The following DEUP1 variants were observed in gnomAD, a reference collection of about 807,000 sequenced individuals.
DEUP1 encodes the protein deuterosome assembly protein 1.
A neutral mutation model predicts 87.4 loss-of-function variants in DEUP1; 82 were observed. The observed-to-expected ratio is 0.94, with a 90% confidence interval of 0.78 to 1.13. The LOEUF (loss-of-function observed/expected upper bound fraction) is 1.13. DEUP1 is among the 50% of genes most tolerant of loss of function. DEUP1 has a pLI of 0.00. For missense variants in DEUP1, 663 were observed against 681.5 expected, an observed-to-expected ratio of 0.97 and a Z score of 0.30; for synonymous variants, 214 against 222.7, an observed-to-expected ratio of 0.96 and a Z score of 0.35.
intron 12 of DEUP1, chr11:93,411,186 C>T (rs1231557467): frequency 2.0e-5 from 3 of 152,118 alleles, no homozygotes; most frequent in Non-Finnish European, 2.9e-5. Flanking sequence ...TTTTCCCTCA[C>T]AACACAGCTC....
intron 12 of DEUP1, among the ~76,000 whole-genome samples, chr11:93,412,215 A>G (rs1416254077): frequency 6.6e-6 from 1 of 152,208 alleles, no homozygotes; most frequent in East Asian, 1.9e-4. Flanking sequence ...GTGTTGACTC[A>G]AGTCTCAAGT....
chr11:93,414,516 T>TAATA lies in DEUP1; in HGVS notation c.1524-469_1524-466dup, dbSNP rs370654550. On this transcript the variant is annotated intron_variant, in intron 12 of 13. Transcript: ENST00000298050. ...AGCAAGGCTCTGTCTCAAAATAAATTAATAAATAAATAAATAAAATAAAAG... is the reference window on the plus strand; with the variant it reads ...AGCAAGGCTCTGTCTCAAAATAAATTAATAAATAAATAAATAAATAAAATAAAAG... Among the ~76,000 whole-genome samples, 955 of 151,740 alleles carry TAATA rather than the reference T, an allele frequency of 6.3e-3. 7 individuals carry two copies. Among genetic ancestry groups the TAATA allele is most frequent in the African/African-American group, 0.022 (921 of 41,390 alleles).
In DEUP1 at chr11:93,361,968, G is replaced by A. The variant is rs117684986; in HGVS notation, c.298-2192G>A. ...GTGCCAAGATAATTCAATAAAGAAA[G>A]ATTAGTCTCTTCTACAAATGGTGCA... On this transcript the variant is annotated intron_variant, in intron 4 of 13. Transcript: ENST00000298050. 4.9e-3 allele frequency among the ~76,000 whole-genome samples: 749 copies of A among 152,088 alleles called. 3 individuals are homozygous for A. The highest frequency in any genetic ancestry group is 8.1e-3 in the Non-Finnish European group (548 of 67,874).
chr11:93,336,252 G>A (rs1943758797), intron 2 of DEUP1, among the ~76,000 whole-genome samples: 1 of 152,140 alleles, frequency 6.6e-6, no homozygotes, highest in African/African-American at 2.4e-5. Context: ...GAGAGAGAGA[G>A]AAGGGGGGAG....
chr11:93,403,159 T>A (rs1947174615), intron 11 of DEUP1, among the ~76,000 whole-genome samples: 1 of 151,956 alleles, frequency 6.6e-6, no homozygotes, highest in African/African-American at 2.4e-5. Flanking sequence ...GAATTTAAAA[T>A]CTGTGTGTAT....
intron 13 of DEUP1, among the ~76,000 whole-genome samples, chr11:93,431,167 A>G (rs1037619255): frequency 6.6e-6 from 1 of 152,050 alleles, no homozygotes; most frequent in African/African-American, 2.4e-5. Context: ...AAAGAAAAGC[A>G]GGTAATGTGA....
intron 9 of DEUP1, among the ~76,000 whole-genome samples, chr11:93,393,317 AT>A (rs147291187): frequency 1.3e-5 from 2 of 150,116 alleles, no homozygotes; most frequent in Non-Finnish European, 3.0e-5. Flanking sequence ...ATGCCTTTTT[AT>A]TTTTTTTATT....
intron 7 of DEUP1, among the ~76,000 whole-genome samples, chr11:93,375,232 A>C (rs2134284900): frequency 6.6e-6 from 1 of 152,220 alleles, no homozygotes; most frequent in South Asian, 2.1e-4. Flanking sequence ...TCATGTCATC[A>C]GTCAACAGAG....
intron 8 of DEUP1, among the ~76,000 whole-genome samples, chr11:93,386,258 A>AT (rs921209378): frequency 2.6e-4 from 39 of 151,612 alleles, no homozygotes; most frequent in Middle Eastern, 3.4e-3. Context: ...CTTAAAACAG[A>AT]TTTTTTTTTC....
chr11:93,350,851 G>A (rs1320756342), intron 2 of DEUP1, among the ~76,000 whole-genome samples: 1 of 151,822 alleles, frequency 6.6e-6, no homozygotes, highest in Non-Finnish European at 1.5e-5. Context: ...AGCTACTCGG[G>A]AGGCTGAGGC....
At chr11:93,427,383 C>T (rs964162157) in intron 13 of DEUP1, among the ~76,000 whole-genome samples, 59 of 151,926 alleles carry the variant, frequency 3.9e-4, no homozygotes, top group African/African-American at 1.3e-3. Context: ...GAAAGGATTC[C>T]CTATTTAATA....
chr11:93,362,229 T>G (rs752521764), intron 4 of DEUP1, among the ~76,000 whole-genome samples: 18 of 152,014 alleles, frequency 1.2e-4, no homozygotes, highest in Non-Finnish European at 2.5e-4. Flanking sequence ...CATTAAAATT[T>G]TAAAACTTTT....
chr11:93,395,739 A>G (rs1946923138), intron 10 of DEUP1, among the ~76,000 whole-genome samples: 1 of 152,210 alleles, frequency 6.6e-6, no homozygotes, highest in African/African-American at 2.4e-5. Context: ...CCTGTCAAGT[A>G]GAATAAATCA....
intron 12 of DEUP1, among the ~76,000 whole-genome samples, chr11:93,412,955 G>A (rs1213231426): frequency 6.6e-6 from 1 of 151,972 alleles, no homozygotes; most frequent in African/African-American, 2.4e-5. Flanking sequence ...TGGAAAACAT[G>A]TTGTATTTGT....
Position 93,338,421 on chromosome 11 carries a change from T to C in DEUP1, c.29+6133T>C, listed in dbSNP as rs3019217. ...GCAGTCAACTTTTTTTTTTTTTTTT[T>C]CCTGAGGCAGGGTCTTGCTCTGTCA... On this transcript the variant is annotated intron_variant, in intron 2 of 13. Transcript: ENST00000298050. 3.4e-5 allele frequency among the ~76,000 whole-genome samples: 5 copies of C among 146,278 alleles called. No homozygotes were observed. In the East Asian group the frequency reaches 9.8e-4, roughly 29 times the overall value.
At chr11:93,419,028 G>C (rs914107250) in intron 13 of DEUP1, among the ~76,000 whole-genome samples, 5 of 149,494 alleles carry the variant, frequency 3.3e-5, no homozygotes, top group African/African-American at 1.0e-4. Flanking sequence ...TCTGGGGACT[G>C]TTGTGGGGTG....
At chr11:93,374,658 T>C (rs1281359665) in intron 7 of DEUP1, among the ~76,000 whole-genome samples, 2 of 152,220 alleles carry the variant, frequency 1.3e-5, no homozygotes, top group Non-Finnish European at 2.9e-5. Context: ...TTTATACCAG[T>C]ACCATGCTGT....
intron 7 of DEUP1, among the ~76,000 whole-genome samples, chr11:93,384,081 T>C (rs979127481): frequency 1.3e-5 from 2 of 152,184 alleles, no homozygotes; most frequent in Non-Finnish European, 2.9e-5. Flanking sequence ...TGCTGTCTCC[T>C]AGAGAACAGC....
chr11:93,413,700 C>G (rs1947516671), intron 12 of DEUP1, among the ~76,000 whole-genome samples: 1 of 152,220 alleles, frequency 6.6e-6, no homozygotes. Context: ...AACCAAAATT[C>G]AAAATCTCAA....
Sources: allele counts gnomAD v4.1 joint callset (sites outside exome capture counted in the v4.1 genomes callset), GRCh38; gene constraint gnomAD v4.1.1; transcripts MANE v1.5; gene names NCBI Gene and HGNC (gene_info 2026-07-23, HGNC 2026-07-21).